Variants in KIT observed in about 807,000 individuals in gnomAD.
KIT encodes the protein KIT proto-oncogene, receptor tyrosine kinase.
A neutral mutation model predicts 105.7 loss-of-function variants in KIT; 16 were observed. The ratio of observed to expected loss-of-function variants is 0.15; its 90% CI spans 0.10 to 0.23. The LOEUF (loss-of-function observed/expected upper bound fraction) is 0.23, where lower values mean the gene tolerates loss of function less well. Ranked by LOEUF, KIT falls within the 10% of genes least tolerant of loss-of-function variation. The pLI is 1.00. For synonymous variants in KIT, 438 were observed against 441.1 expected (o/e 0.99, Z 0.09); for missense variants, 858 against 1,213.8 (o/e 0.71, Z 4.36).
chr4:54,709,018 C>T (rs1720970645), intron 6 of KIT, among the ~76,000 whole-genome samples: 1 of 152,012 alleles, frequency 6.6e-6, no homozygotes, highest in South Asian at 2.1e-4. Flanking sequence ...TGTGTGAGGG[C>T]AGTGAGCATG....
intron 7 of KIT, among the ~76,000 whole-genome samples, chr4:54,710,458 T>G (rs1721075735): frequency 6.6e-6 from 1 of 152,142 alleles, no homozygotes; most frequent in Admixed American, 6.5e-5. Context: ...TTTATGTGTG[T>G]TGGGTTATAG....
intron 20 of KIT, 136 bp from the exon 21 acceptor site, chr4:54,738,293 C>A: frequency 9.3e-7 from 1 of 1,078,128 alleles, no homozygotes; most frequent in Non-Finnish European, 1.4e-6. Flanking sequence ...TGGGTTTTGG[C>A]CACAAAGTTC....
intron 14 of KIT, among the ~76,000 whole-genome samples, chr4:54,730,513 G>C (rs1023833097): frequency 2.0e-5 from 3 of 152,082 alleles, no homozygotes; most frequent in Non-Finnish European, 4.4e-5. Flanking sequence ...AGTTTAAAGT[G>C]GTAGTAGAAA....
At chr4:54,727,050 T>G (rs1408517058) in intron 9 of KIT, among the ~76,000 whole-genome samples, 168 bp from the exon 10 acceptor site, 1 of 152,240 alleles carries the variant, frequency 6.6e-6, no homozygotes, top group African/African-American at 2.4e-5. Context: ...AAGATTCATT[T>G]GAATAACAAG....
intron 4 of KIT, among the ~76,000 whole-genome samples, chr4:54,700,980 CAT>C (rs1446719006): frequency 6.6e-6 from 1 of 152,228 alleles, no homozygotes; most frequent in African/African-American, 2.4e-5. Context: ...AATACAATCT[CAT>C]ATTAATTGGC....
intron 1 of KIT, among the ~76,000 whole-genome samples, chr4:54,668,581 G>T (rs1717872512): frequency 1.3e-5 from 2 of 152,148 alleles, no homozygotes; most frequent in South Asian, 4.1e-4. Flanking sequence ...TAGAACAAAG[G>T]AGAGCATTAT....
intron 7 of KIT, among the ~76,000 whole-genome samples, chr4:54,711,928 C>CA (rs549683976): frequency 0.019 from 1,372 of 73,456 alleles, 17 homozygotes; most frequent in East Asian, 0.064. Context: ...GAGTCCGTCT[C>CA]AAAAAAAAAA....
intron 1 of KIT, among the ~76,000 whole-genome samples, chr4:54,666,373 G>C (rs545931671): frequency 6.6e-6 from 1 of 151,990 alleles, no homozygotes; most frequent in South Asian, 2.1e-4. Flanking sequence ...TCCACCTCCC[G>C]GGTTCAAGTG....
At chr4:54,686,696 C>T (rs1341444756) in intron 1 of KIT, among the ~76,000 whole-genome samples, 1 of 152,134 alleles carries the variant, frequency 6.6e-6, no homozygotes, top group East Asian at 1.9e-4. Flanking sequence ...AGGAGCGTGC[C>T]ACCACACCCA....
intron 1 of KIT, among the ~76,000 whole-genome samples, chr4:54,677,219 C>T (rs187045821): frequency 2.9e-3 from 442 of 152,048 alleles, no homozygotes; most frequent in African/African-American, 0.01. Context: ...ATTGAGGTGT[C>T]ACCTGAGCTT....
chr4:54,692,778 G>A (rs1319157692), intron 1 of KIT, among the ~76,000 whole-genome samples: 1 of 152,158 alleles, frequency 6.6e-6, no homozygotes, highest in African/African-American at 2.4e-5. Context: ...CGGACTCAAC[G>A]TCTCACTCTG....
chr4:54,708,129 A>G (rs1051067661), intron 6 of KIT, among the ~76,000 whole-genome samples: 2 of 152,116 alleles, frequency 1.3e-5, no homozygotes, highest in African/African-American at 4.8e-5. Flanking sequence ...GGAGTTGAAG[A>G]TGCCTTTAGG....
chr4:54,710,383 G>A (rs535308938), intron 7 of KIT, among the ~76,000 whole-genome samples: 9 of 152,340 alleles, frequency 5.9e-5, no homozygotes, highest in Non-Finnish European at 1.0e-4. Flanking sequence ...TTTCCTGGGT[G>A]TGTGGAGGAT....
intron 1 of KIT, 27 bp from the exon 2 acceptor site, chr4:54,695,485 T>A (rs1719992092): frequency 6.2e-7 from 1 of 1,613,548 alleles, no homozygotes; most frequent in East Asian, 2.2e-5. Flanking sequence ...AAGATCATAC[T>A]CAACACGATT....
chr4:54,686,742 A>G (rs1371795535), intron 1 of KIT, among the ~76,000 whole-genome samples: 2 of 152,176 alleles, frequency 1.3e-5, no homozygotes, highest in Non-Finnish European at 2.9e-5. Context: ...ATGTGGTCTC[A>G]CCATACTGCC....
intron 1 of KIT, among the ~76,000 whole-genome samples, chr4:54,663,055 T>G (rs1560370591): frequency 6.6e-6 from 1 of 152,216 alleles, no homozygotes; most frequent in Non-Finnish European, 1.5e-5. Flanking sequence ...CTGGTACTTT[T>G]CCCATTCATC....
chr4:54,732,480 G>A (rs530132906), intron 16 of KIT, among the ~76,000 whole-genome samples: 67 of 152,220 alleles, frequency 4.4e-4, no homozygotes, highest in Non-Finnish European at 4.6e-4. Flanking sequence ...TTGGGAGAAG[G>A]TTAGGAATGG....
intron 7 of KIT, among the ~76,000 whole-genome samples, chr4:54,715,872 G>A (rs528113642): frequency 1.4e-4 from 21 of 152,098 alleles, no homozygotes; most frequent in Admixed American, 7.2e-4. Flanking sequence ...AAATAATAAC[G>A]GCAGTCTTGC....
At chr4:54,728,265 T>C in intron 13 of KIT, 144 bp downstream of exon 13, 1 of 717,432 alleles carries the variant, frequency 1.4e-6, no homozygotes, top group Non-Finnish European at 2.5e-6. Flanking sequence ...AGATTTTGTT[T>C]TCCTCATTGT....
Sources: gnomAD v4.1 joint callset for allele counts (sites outside exome capture counted in the v4.1 genomes callset) on GRCh38, gnomAD v4.1.1 for gene constraint, MANE v1.5 for transcripts, NCBI Gene and HGNC (gene_info 2026-07-23, HGNC 2026-07-21) for gene names.